C12orf42: variants seen among roughly 807,000 people sequenced by gnomAD.
C12orf42 encodes the protein uncharacterized protein C12orf42.
C12orf42 carries 25 observed loss-of-function variants against 21.6 expected under a neutral mutation model. The observed-to-expected ratio is 1.16, with a 90% CI of 0.84 to 1.62. The LOEUF (loss-of-function observed/expected upper bound fraction) is 1.62, where lower values mean the gene tolerates loss of function less well. Among genes scored for constraint, C12orf42 ranks in the 40% most tolerant of loss-of-function variants. The probability of loss-of-function intolerance (pLI) is 0.00; values close to 1 mark genes in which losing one functional copy is unlikely to be tolerated. For missense variants in C12orf42, 483 were observed against 459.3 expected (o/e 1.05, Z -0.47); for synonymous variants, 174 against 175.0 (o/e 0.99, Z 0.05).
At chr12:103,122,995 A>C in the C12orf42 span, among the ~76,000 whole-genome samples, 1 of 152,300 alleles carries the variant, frequency 6.6e-6, no homozygotes, top group African/African-American at 2.4e-5. Context: ...TGCTACAAAG[A>C]AACAATGGTG....
At chr12:103,423,487 T>C (rs967048215) in intron 2 of C12orf42, among the ~76,000 whole-genome samples, 1 of 152,200 alleles carries the variant, frequency 6.6e-6, no homozygotes, top group Non-Finnish European at 1.5e-5. Context: ...GTGGGTTTTC[T>C]CTCCCCACCC....
chr12:103,479,104 T>G (rs963955854), intron 1 of C12orf42, among the ~76,000 whole-genome samples: 4 of 152,104 alleles, frequency 2.6e-5, no homozygotes, highest in Non-Finnish European at 5.9e-5. Context: ...CCTGTGAGTT[T>G]CAGGAGTTAT....
At chr12:103,068,875 C>CTATA in the C12orf42 span, among the ~76,000 whole-genome samples, 7 of 128,830 alleles carry the variant, frequency 5.4e-5, no homozygotes, top group Admixed American at 1.7e-4. Context: ...ACTCCTCTCT[C>CTATA]TATATATATA....
Position 103,248,714 on chromosome 12 carries a change from G to A in C12orf42, c.*1367-10812C>T, listed in dbSNP as rs573735153. Among the ~76,000 whole-genome samples, 4 of 152,090 alleles carry A rather than the reference G, an allele frequency of 2.6e-5. No individual in the cohort carries two copies. The East Asian group carries it at 7.7e-4, about 29-fold the overall frequency. ...CAAATAGAAATGGAATAGGATCCTA[G>A]TCCAACACCCTCTAGCTGTGAGACC... On this transcript the variant is annotated intron_variant and NMD_transcript_variant, in intron 10 of 10. Coordinates refer to the C12orf42 transcript ENST00000547347.
the C12orf42 span, chr12:103,178,151 T>C: frequency 1.3e-5 from 2 of 152,216 alleles, no homozygotes; most frequent in Non-Finnish European, 2.9e-5. Context: ...CCTTTTGTAC[T>C]AAGCCAACTT....
chr12:103,433,500 A>T (rs1361129298), intron 2 of C12orf42, among the ~76,000 whole-genome samples: 1 of 152,194 alleles, frequency 6.6e-6, no homozygotes, highest in Non-Finnish European at 1.5e-5. Flanking sequence ...TCTAAAGTAC[A>T]ATTTCCTAAC....
chr12:103,048,533 T>A, the C12orf42 span, among the ~76,000 whole-genome samples: 4 of 152,152 alleles, frequency 2.6e-5, no homozygotes, highest in Non-Finnish European at 5.9e-5. Flanking sequence ...CTGATTTTTA[T>A]AATCTAGTAA....
chr12:103,150,228 C>T, the C12orf42 span, among the ~76,000 whole-genome samples: 1 of 151,988 alleles, frequency 6.6e-6, no homozygotes, highest in South Asian at 2.1e-4. Flanking sequence ...TATTGAGTAC[C>T]TGGTTTATGT....
At chr12:103,227,003 T>C in the C12orf42 span, among the ~76,000 whole-genome samples, 1 of 152,200 alleles carries the variant, frequency 6.6e-6, no homozygotes, top group Non-Finnish European at 1.5e-5. Context: ...TCTGGCTATT[T>C]GGAACTACTG....
chr12:103,337,404 G>A (rs1297008258), intron 4 of C12orf42, among the ~76,000 whole-genome samples: 1 of 152,182 alleles, frequency 6.6e-6, no homozygotes, highest in African/African-American at 2.4e-5. Context: ...AGGCTGGAGT[G>A]CACTGGCGCA....
the C12orf42 span, among the ~76,000 whole-genome samples, chr12:103,222,903 G>A: frequency 2.0e-5 from 3 of 148,212 alleles, no homozygotes; most frequent in African/African-American, 7.5e-5. Context: ...CTCTCACTTG[G>A]GAATCTTGCT....
the C12orf42 span, among the ~76,000 whole-genome samples, chr12:103,117,706 A>G: frequency 2.0e-5 from 3 of 152,230 alleles, no homozygotes; most frequent in Non-Finnish European, 4.4e-5. Flanking sequence ...GATTTTGCAC[A>G]CTGGATTTGC....
the C12orf42 span, among the ~76,000 whole-genome samples, chr12:103,189,365 T>C: frequency 6.6e-6 from 1 of 152,180 alleles, no homozygotes; most frequent in Non-Finnish European, 1.5e-5. Context: ...AGAGACATTA[T>C]TGGGAGATGT....
the C12orf42 span, among the ~76,000 whole-genome samples, chr12:103,517,739 TTC>T: frequency 6.6e-6 from 1 of 152,160 alleles, no homozygotes; most frequent in Non-Finnish European, 1.5e-5. Context: ...TTGCTTATGT[TTC>T]TCTGTTATCA....
chr12:103,203,215 C>T, the C12orf42 span, among the ~76,000 whole-genome samples: 7 of 152,176 alleles, frequency 4.6e-5, no homozygotes, highest in African/African-American at 1.2e-4. Flanking sequence ...CTCTGTGTCA[C>T]TCATCCCCTG....
At chr12:103,234,059 G>C (rs1165816022), downstream of C12orf42, among the ~76,000 whole-genome samples, 2 of 152,108 alleles carry the variant, frequency 1.3e-5, no homozygotes, top group African/African-American at 4.8e-5. Flanking sequence ...TAAATCTATT[G>C]ATATGTTATG....
intron 4 of C12orf42, among the ~76,000 whole-genome samples, chr12:103,358,694 T>C (rs1232116623): frequency 6.6e-6 from 1 of 152,048 alleles, no homozygotes; most frequent in East Asian, 1.9e-4. Context: ...TAGTGAAGTT[T>C]ACTGGTTTTA....
chr12:103,184,589 G>T, the C12orf42 span, among the ~76,000 whole-genome samples: 1 of 151,946 alleles, frequency 6.6e-6, no homozygotes, highest in African/African-American at 2.4e-5. Flanking sequence ...CTGTATATGA[G>T]AAACAAAGAA....
At chr12:103,293,914 A>AAT (rs2036980347) in intron 4 of C12orf42, among the ~76,000 whole-genome samples, 1 of 152,138 alleles carries the variant, frequency 6.6e-6, no homozygotes, top group African/African-American at 2.4e-5. Context: ...AAAGGACCTA[A>AAT]ATATCATTGT....
Sources: gnomAD v4.1 joint callset for allele counts (sites outside exome capture counted in the v4.1 genomes callset) on GRCh38, gnomAD v4.1.1 for gene constraint, MANE v1.5 for transcripts, NCBI Gene and HGNC (gene_info 2026-07-23, HGNC 2026-07-21) for gene names.